The following MOB4 variants were observed in gnomAD, a reference collection of about 807,000 sequenced individuals.
The protein encoded by MOB4 is MOB family member 4, phocein.
Under a neutral mutation model 32.2 loss-of-function variants are expected in MOB4, and 4 were observed. The observed-to-expected ratio is 0.12, with a 90% CI of 0.06 to 0.28. The LOEUF (loss-of-function observed/expected upper bound fraction) is 0.28, where lower values mean the gene tolerates loss of function less well. Ranked by LOEUF, MOB4 falls within the 10% of genes least tolerant of loss-of-function variation. The probability of loss-of-function intolerance (pLI) is 1.00; values close to 1 mark genes in which losing one functional copy is unlikely to be tolerated. For missense variants in MOB4, 158 were observed against 271.2 expected (o/e 0.58, Z 2.93); for synonymous variants, 88 against 88.1 (o/e 1.00, Z 0.01).
intron 3 of MOB4, among the ~76,000 whole-genome samples, chr2:197,538,055 G>A (rs1028112751): frequency 1.3e-5 from 2 of 152,056 alleles, no homozygotes; most frequent in Admixed American, 1.3e-4. Flanking sequence ...TGGGATTACA[G>A]GCGTGTGCCA....
intron 3 of MOB4, among the ~76,000 whole-genome samples, chr2:197,537,929 G>A (rs1307202798): frequency 1.3e-5 from 2 of 152,002 alleles, no homozygotes; most frequent in Non-Finnish European, 2.9e-5. Context: ...ACAGGCACAC[G>A]CCACCATGCC....
rs778548646 is a variant in MOB4 at position 197,535,591 on chromosome 2, A to G, written c.185A>G (p.Glu62Gly). The G allele has an allele frequency of 7.4e-6, 12 of 1,613,218 alleles. No individual in the cohort carries two copies. Among genetic ancestry groups the G allele is most frequent in the Non-Finnish European group, 9.3e-6 (11 of 1,179,862 alleles). ...ATTGACAAAATTCTTGAACCACCTG[A>G]AGGCCAAGATGAAGGTGTGTGGAAG... is the stretch of plus-strand genomic sequence containing the variant. ...SNIDKILEPPEGQDEGVWKYE... is the reference protein window; with the variant it reads ...SNIDKILEPPGGQDEGVWKYE... Residue 62 changes from glutamate (E) to glycine (G), a missense_variant, in exon 3 of 8, where the codon GAA becomes GGA. Transcript: ENST00000323303.
intron 5 of MOB4, among the ~76,000 whole-genome samples, chr2:197,546,777 C>A (rs2087001367): frequency 6.6e-6 from 1 of 152,196 alleles, no homozygotes; most frequent in African/African-American, 2.4e-5. Context: ...GATCCCAACC[C>A]TCTGTGCAGC....
At chr2:197,548,193 T>C in intron 5 of MOB4, 143 bp from the exon 6 acceptor site, 1 of 485,402 alleles carries the variant, frequency 2.1e-6, no homozygotes, top group Non-Finnish European at 3.4e-6. Context: ...TAACATTATA[T>C]TTTACAAGCA....
At chr2:197,521,034 T>C in intron 1 of MOB4, among the ~76,000 whole-genome samples, 1 of 152,124 alleles carries the variant, frequency 6.6e-6, no homozygotes, top group East Asian at 1.9e-4. Flanking sequence ...TTACATGAGA[T>C]ATTTTGATAC....
chr2:197,541,420 A>G (rs1024150150), intron 5 of MOB4, among the ~76,000 whole-genome samples: 3 of 152,154 alleles, frequency 2.0e-5, no homozygotes, highest in Non-Finnish European at 4.4e-5. Flanking sequence ...TAGACCTTGA[A>G]GTGGTCATTA....
intron 1 of MOB4, among the ~76,000 whole-genome samples, chr2:197,516,996 A>G (rs143435946): frequency 2.0e-4 from 31 of 152,348 alleles, no homozygotes; most frequent in African/African-American, 3.8e-4. Flanking sequence ...CTGAAATCGG[A>G]AGAGATGTGT....
At chr2:197,530,372 A>G (rs905759885) in intron 2 of MOB4, among the ~76,000 whole-genome samples, 2 of 150,416 alleles carry the variant, frequency 1.3e-5, no homozygotes, top group Admixed American at 6.6e-5. Flanking sequence ...GACTTAAGAG[A>G]TTTTCTCACC....
At chr2:197,516,539 G>T (rs1347256132) in intron 1 of MOB4, 1 of 544,224 alleles carries the variant, frequency 1.8e-6, no homozygotes, top group Non-Finnish European at 3.4e-6. Context: ...GGCCGCTGAG[G>T]TGGGAGGGGG....
At chr2:197,533,092 C>T (rs1429169718) in intron 2 of MOB4, among the ~76,000 whole-genome samples, 3 of 151,696 alleles carry the variant, frequency 2.0e-5, no homozygotes, top group Non-Finnish European at 4.4e-5. Flanking sequence ...GAGTGAGACT[C>T]TATCTCAAAA....
intron 5 of MOB4, among the ~76,000 whole-genome samples, chr2:197,547,102 G>A (rs554119904): frequency 3.3e-5 from 5 of 151,976 alleles, no homozygotes; most frequent in East Asian, 1.9e-4. Context: ...AAAGAAAATC[G>A]TAAGGAAGAG....
intron 2 of MOB4, among the ~76,000 whole-genome samples, chr2:197,532,695 A>T (rs1255804549): frequency 6.6e-6 from 1 of 151,896 alleles, no homozygotes; most frequent in African/African-American, 2.4e-5. Context: ...CAAAAAAAAA[A>T]TAAGTAAATA....
chr2:197,549,235 A>G (rs74734401), intron 6 of MOB4, among the ~76,000 whole-genome samples: 12,254 of 152,206 alleles, frequency 0.081, 637 homozygotes, highest in Middle Eastern at 0.15. Context: ...TCAAAAAAAA[A>G]AGAGCAGACT....
intron 2 of MOB4, among the ~76,000 whole-genome samples, chr2:197,524,421 A>G (rs982466589): frequency 6.6e-6 from 1 of 151,300 alleles, no homozygotes; most frequent in African/African-American, 2.4e-5. Context: ...AGTCCCAGCT[A>G]CTCGGGAGGG....
chr2:197,542,652 C>T (rs1316633698), intron 5 of MOB4, among the ~76,000 whole-genome samples: 1 of 152,198 alleles, frequency 6.6e-6, no homozygotes, highest in Non-Finnish European at 1.5e-5. Context: ...TACAAGCCCT[C>T]ACAGTCACAT....
intron 2 of MOB4, among the ~76,000 whole-genome samples, chr2:197,531,642 T>C (rs1253076610): frequency 6.6e-6 from 1 of 152,138 alleles, no homozygotes; most frequent in East Asian, 1.9e-4. Flanking sequence ...CTTGGCTCAC[T>C]GCAACCTCTG....
At chr2:197,528,448 C>T (rs1358096097) in intron 2 of MOB4, among the ~76,000 whole-genome samples, 1 of 152,076 alleles carries the variant, frequency 6.6e-6, no homozygotes, top group Non-Finnish European at 1.5e-5. Flanking sequence ...CTGTATATTA[C>T]ATCAATATAC....
intron 5 of MOB4, among the ~76,000 whole-genome samples, chr2:197,547,842 T>A (rs527378533): frequency 6.6e-6 from 1 of 151,686 alleles, no homozygotes; most frequent in South Asian, 2.1e-4. Context: ...GTTTCATTGT[T>A]TCTTTTTTTC....
chr2:197,526,585 G>A (rs1031060309), intron 2 of MOB4, among the ~76,000 whole-genome samples: 2 of 152,152 alleles, frequency 1.3e-5, no homozygotes, highest in African/African-American at 4.8e-5. Context: ...CAAAGTGCTG[G>A]GATTACAGGT....
Sources: allele counts gnomAD v4.1 joint callset (sites outside exome capture counted in the v4.1 genomes callset), GRCh38; gene constraint gnomAD v4.1.1; transcripts MANE v1.5; gene names NCBI Gene and HGNC (gene_info 2026-07-23, HGNC 2026-07-21).